EIF4G3: variants seen among roughly 807,000 people sequenced by gnomAD.
EIF4G3 encodes the protein eIF-4-gamma 3.
Under a neutral mutation model 186.4 loss-of-function variants are expected in EIF4G3, and 34 were observed. That is an observed-to-expected ratio of 0.18 (90% confidence interval 0.14 to 0.24). The LOEUF is 0.24. Ranked by LOEUF, EIF4G3 falls within the 10% of genes least tolerant of loss-of-function variation. The pLI, the probability that EIF4G3 is intolerant of heterozygous loss-of-function variation, is 1.00. For missense variants in EIF4G3, 1,536 were observed against 1,948.5 expected, an observed-to-expected ratio of 0.79 and a Z score of 3.99; for synonymous variants, 673 against 679.5, an observed-to-expected ratio of 0.99 and a Z score of 0.15.
chr1:21,019,448 T>C (rs1291330827), intron 4 of EIF4G3, among the ~76,000 whole-genome samples: 1 of 152,238 alleles, frequency 6.6e-6, no homozygotes, highest in African/African-American at 2.4e-5. Context: ...GACAGCTATA[T>C]AAAACCATCC....
intron 4 of EIF4G3, among the ~76,000 whole-genome samples, chr1:21,035,898 T>C (rs910407748): frequency 1.3e-5 from 2 of 152,114 alleles, no homozygotes; most frequent in Non-Finnish European, 2.9e-5. Context: ...CCAACTGGCA[T>C]GCACCACCTC....
chr1:20,869,024 T>C (rs905084109), intron 20 of EIF4G3, among the ~76,000 whole-genome samples: 1 of 152,160 alleles, frequency 6.6e-6, no homozygotes, highest in African/African-American at 2.4e-5. Context: ...GATCAAATTC[T>C]AGAGAATCAT....
chr1:20,951,955 A>G (rs1359121168), intron 12 of EIF4G3, among the ~76,000 whole-genome samples: 1 of 152,160 alleles, frequency 6.6e-6, no homozygotes, highest in Non-Finnish European at 1.5e-5. Context: ...GGAGTGAGAT[A>G]ATATGTTTGT....
At chr1:20,924,634 C>T (rs549005079) in intron 14 of EIF4G3, among the ~76,000 whole-genome samples, 1 of 152,166 alleles carries the variant, frequency 6.6e-6, no homozygotes, top group Non-Finnish European at 1.5e-5. Flanking sequence ...GGCACGATGT[C>T]GGCTTACTGC....
Position 20,820,645 on chromosome 1 carries a change from A to G in EIF4G3, c.4369-3107T>C, listed in dbSNP as rs570229131. 9.2e-5 allele frequency among the ~76,000 whole-genome samples: 14 copies of G among 152,270 alleles called. No individual in the cohort carries two copies. In the East Asian group the frequency reaches 1.4e-3, roughly 15 times the overall value. The stretch of plus-strand genomic sequence containing the variant: ...CTTCCAGGCCCAACCATGGCTGCCT[A>G]TGGACCAATTGGCATGCATTTCTTC... On this transcript the variant is annotated intron_variant, in intron 33 of 36. Coordinates refer to ENST00000602326, the MANE Select transcript of EIF4G3 (RefSeq NM_001391906.1).
At chr1:21,106,132 A>T (rs2096613721) in intron 2 of EIF4G3, among the ~76,000 whole-genome samples, 1 of 151,820 alleles carries the variant, frequency 6.6e-6, no homozygotes, top group Non-Finnish European at 1.5e-5. Flanking sequence ...AGAGTTTGGA[A>T]ATTTAAGCAG....
intron 2 of EIF4G3, among the ~76,000 whole-genome samples, chr1:21,116,195 G>A (rs2096819686): frequency 6.6e-6 from 1 of 152,102 alleles, no homozygotes; most frequent in Admixed American, 6.6e-5. Context: ...CTTCAATCCT[G>A]TATTTGTACA....
intron 2 of EIF4G3, among the ~76,000 whole-genome samples, chr1:21,156,125 C>T (rs1458869744): frequency 8.5e-6 from 1 of 117,458 alleles, no homozygotes; most frequent in East Asian, 2.3e-4. Context: ...GAAACTCTGT[C>T]TCAAAAAAAA....
chr1:21,075,416 A>G (rs2095555987), intron 3 of EIF4G3, among the ~76,000 whole-genome samples: 1 of 151,800 alleles, frequency 6.6e-6, no homozygotes, highest in Admixed American at 6.6e-5. Flanking sequence ...TAAAAATCCA[A>G]AAATTAGCCA....
chr1:21,083,755 G>C (rs147028614), intron 3 of EIF4G3, among the ~76,000 whole-genome samples: 13 of 152,248 alleles, frequency 8.5e-5, no homozygotes, highest in African/African-American at 2.9e-4. Flanking sequence ...CTGCATGACA[G>C]GCAGTGTGCT....
intron 14 of EIF4G3, among the ~76,000 whole-genome samples, chr1:20,910,546 T>G (rs1044671218): frequency 6.6e-6 from 1 of 152,164 alleles, no homozygotes; most frequent in East Asian, 1.9e-4. Flanking sequence ...ATTATGCCAC[T>G]GCACTCAGCC....
chr1:20,980,674 A>G (rs756014031), intron 9 of EIF4G3, among the ~76,000 whole-genome samples: 3 of 152,174 alleles, frequency 2.0e-5, no homozygotes, highest in South Asian at 2.1e-4. Context: ...GCCATACAAC[A>G]TATCAGTGCA....
chr1:20,812,106 C>A (rs745345980), intron 35 of EIF4G3, among the ~76,000 whole-genome samples: 6 of 152,112 alleles, frequency 3.9e-5, no homozygotes, highest in Non-Finnish European at 8.8e-5. Flanking sequence ...CACTAAGACA[C>A]AATTTTGTTT....
Position 21,159,662 on chromosome 1 carries a change from C to T in EIF4G3, c.-272+16513G>A, listed in dbSNP as rs142602625. Among the ~76,000 whole-genome samples, 938 of 152,166 alleles carry T rather than the reference C, an allele frequency of 6.2e-3. 2 individuals carry two copies. Among genetic ancestry groups the T allele is most frequent in the Middle Eastern group, 0.01 (3 of 294 alleles). Reference sequence around the variant, plus strand: ...GGCTAAGGCAGGAGAATTGTTTGAACCCATGAGGTGGAGGCTGCAGTGAGC... The same window carrying T: ...GGCTAAGGCAGGAGAATTGTTTGAATCCATGAGGTGGAGGCTGCAGTGAGC... On this transcript the variant is annotated intron_variant, in intron 2 of 36. Transcript: ENST00000602326.
chr1:20,891,465 A>G (rs2086000932), intron 18 of EIF4G3, among the ~76,000 whole-genome samples: 1 of 151,508 alleles, frequency 6.6e-6, no homozygotes, highest in South Asian at 2.1e-4. Context: ...AAAGGGAAAT[A>G]ATACTGAAAA....
intron 12 of EIF4G3, among the ~76,000 whole-genome samples, chr1:20,968,655 T>G (rs555554113): frequency 9.2e-5 from 14 of 152,314 alleles, no homozygotes; most frequent in Admixed American, 7.8e-4. Flanking sequence ...AATTTATTAA[T>G]AAGTTCCACA....
intron 9 of EIF4G3, 58 bp downstream of exon 9, chr1:20,980,989 TG>T (rs2077835699): frequency 7.4e-7 from 1 of 1,342,686 alleles, no homozygotes; most frequent in African/African-American, 1.5e-5. Flanking sequence ...CCCTCTGATG[TG>T]AATCCGGGTT....
At chr1:20,947,887 C>G (rs922239328) in intron 13 of EIF4G3, among the ~76,000 whole-genome samples, 1 of 152,142 alleles carries the variant, frequency 6.6e-6, no homozygotes, top group African/African-American at 2.4e-5. Context: ...AGTCTGCATT[C>G]CTTGTCTGGA....
intron 4 of EIF4G3, among the ~76,000 whole-genome samples, chr1:21,025,175 AAG>A (rs2091879629): frequency 6.6e-6 from 1 of 152,166 alleles, no homozygotes; most frequent in South Asian, 2.1e-4. Flanking sequence ...CAGAGAATAG[AAG>A]TGCATGAGGT....
Sources: allele counts gnomAD v4.1 joint callset (sites outside exome capture counted in the v4.1 genomes callset), GRCh38; gene constraint gnomAD v4.1.1; transcripts MANE v1.5; gene names NCBI Gene and HGNC (gene_info 2026-07-23, HGNC 2026-07-21).